The following UBTF variants were observed in gnomAD, a reference collection of about 807,000 sequenced individuals.
UBTF encodes the protein nucleolar transcription factor 1.
UBTF carries 8 observed loss-of-function variants against 112.3 expected under a neutral mutation model. The ratio of observed to expected loss-of-function variants is 0.07; its 90% CI spans 0.04 to 0.13. The LOEUF (loss-of-function observed/expected upper bound fraction) is 0.13, where lower values mean the gene tolerates loss of function less well. Among genes scored for constraint, UBTF ranks in the 10% least tolerant of loss-of-function variants. UBTF has a pLI of 1.00. For synonymous variants in UBTF, 417 were observed against 373.1 expected (o/e 1.12, Z -1.36); for missense variants, 457 against 982.1 (o/e 0.47, Z 7.15).
At chr17:44,210,979 GTGC>G in intron 12 of UBTF, 32 bp from the exon 13 acceptor site, 1 of 1,600,762 alleles carries the variant, frequency 6.2e-7, no homozygotes, top group Non-Finnish European at 8.5e-7. Flanking sequence ...GGGTCCGTGG[GTGC>G]TGCCAGGGAG....
chr17:44,218,603 A>AAAAAAAAAAAAAAG (rs1448322836), intron 1 of UBTF: 1 of 207,010 alleles, frequency 4.8e-6, no homozygotes, highest in Non-Finnish European at 9.4e-6. Context: ...CCAAAAAAAA[A>AAAAAAAAAAAAAAG]AAAAAAGAAA....
At position 44,207,124 on chromosome 17, in the gene UBTF, A is replaced by G; in HGVS notation, c.*118T>C. ...TATTTTTTTTTTTTTTTAAAGAAAG[A>G]AAGAAAGTGGGGGAGGCCAGGGGGG... On this transcript the variant is annotated 3_prime_UTR_variant, in exon 21 of 21. Transcript: ENST00000436088. 1 of 1,087,104 alleles carries G rather than the reference A, an allele frequency of 9.2e-7. No homozygotes were observed. Among genetic ancestry groups the G allele is most frequent in the East Asian group, 2.6e-5 (1 of 39,076 alleles). The allele number at this position is 1,087,104 out of a possible 1,614,324, so 67.3% of individuals were successfully genotyped here.
intron 7 of UBTF, 104 bp downstream of exon 7, chr17:44,212,715 G>T: frequency 1.3e-6 from 2 of 1,551,210 alleles, no homozygotes; most frequent in South Asian, 2.5e-5. Flanking sequence ...CTGGGGAGGG[G>T]CCTCCTCTCC....
Position 44,218,209 on chromosome 17 carries a change from G to A in UBTF, c.21C>T (p.Cys7=), listed in dbSNP as rs1346501421. 5 of 1,612,160 alleles carry A rather than the reference G, an allele frequency of 3.1e-6. No homozygotes were observed. The highest frequency in any genetic ancestry group is 4.2e-6 in the Non-Finnish European group (5 of 1,179,628). Residue 7 remains cysteine (C), a synonymous_variant, in exon 2 of 21, where the codon TGC becomes TGT. Coordinates refer to ENST00000436088, the MANE Select transcript of UBTF (RefSeq NM_014233.4). The part of the protein sequence containing the change: MNGEAD[C]PTDLEMAAPK... ...GGGCGGCCATTTCCAGGTCTGTGGG[G>A]CAGTCGGCTTCTCCGTTCATCCTCC...
chr17:44,211,723 T>G lies in UBTF; in HGVS notation c.930A>C (p.Ala310=). 6.2e-7 allele frequency: 1 copy of G among 1,608,238 alleles called. No individual in the cohort carries two copies. The highest frequency in any genetic ancestry group is 1.1e-5 in the South Asian group (1 of 91,074). Residue 310 remains alanine, a synonymous_variant, in exon 10 of 21, where the codon GCA becomes GCC. Transcript: ENST00000436088. The surrounding 1 kb of genome is among the most constrained non-coding windows in gnomAD (Gnocchi z 4.9). ...PPPNSYSLYC[A]ELMANMKDVP... ...CGTCCTTCATGTTGGCCATGAGCTC[T>G]GCGCAGTACAGCGAGTAGCTGTTCC...
chr17:44,219,980 G>A (rs1022748169), upstream of UBTF, among the ~76,000 whole-genome samples: 22 of 149,746 alleles, frequency 1.5e-4, no homozygotes, highest in Admixed American at 6.6e-4. Flanking sequence ...GAGCTGGGGG[G>A]ACCCGGGCGG....
chr17:44,212,407 C>T lies in UBTF; in HGVS notation c.708G>A (p.Gln236=). Residue 236 remains glutamine, a synonymous_variant, in exon 8 of 21, where the codon CAG becomes CAA. Transcript: ENST00000436088. The part of the protein sequence containing the change: ...VKDSLGKQWS[Q]LSDKKRLKWI... The stretch of plus-strand genomic sequence containing the variant: ...ATTTCAGCCTCTTTTTGTCCGAGAG[C>T]TGAGACCACTGCTTCCCCAGGGAGT... 2.5e-6 allele frequency: 4 copies of T among 1,612,602 alleles called. No homozygotes were observed. Among genetic ancestry groups the T allele is most frequent in the Non-Finnish European group, 3.4e-6 (4 of 1,179,528 alleles).
intron 8 of UBTF, 58 bp from the exon 9 acceptor site, chr17:44,212,064 G>A: frequency 6.3e-7 from 1 of 1,576,994 alleles, no homozygotes; most frequent in Non-Finnish European, 8.6e-7. Flanking sequence ...CTAGGGCAGG[G>A]GCAGGGGGAG....
In UBTF at chr17:44,216,718, A is replaced by G; in HGVS notation, c.59-14T>C. 1 of 1,613,788 alleles carries G rather than the reference A, an allele frequency of 6.2e-7. No individual in the cohort carries two copies. The highest frequency in any genetic ancestry group is 8.5e-7 in the Non-Finnish European group (1 of 1,179,796). On this transcript the variant is annotated splice_polypyrimidine_tract_variant and intron_variant, in intron 2 of 20. Transcript: ENST00000436088. The stretch of plus-strand genomic sequence containing the variant: ...GGGACCAACGGTCTGGTAAAGAGTA[A>G]CAGAGGCCATCATGCCTGGCTCATG...
chr17:44,213,174 G>A, intron 6 of UBTF, 44 bp downstream of exon 6: 1 of 1,600,106 alleles, frequency 6.2e-7, no homozygotes, highest in Non-Finnish European at 8.5e-7. Flanking sequence ...CTATTCTGCT[G>A]CCCCCAGTGC....
chr17:44,209,971 C>G (rs1023065057), intron 15 of UBTF, among the ~76,000 whole-genome samples, 153 bp downstream of exon 15: 1 of 152,190 alleles, frequency 6.6e-6, no homozygotes, highest in Non-Finnish European at 1.5e-5. Flanking sequence ...AATGTCACCC[C>G]CACCTTACTG....
rs2056217921 is a variant in UBTF at position 44,205,930 on chromosome 17, C to T, written c.*1312G>A. ...ATGCAGCTTTTGCAGACTTCTTGCC[C>T]AGCTGTGGGGTTGGGGGAGGAGGGA... On this transcript the variant is annotated 3_prime_UTR_variant, in exon 21 of 21. Coordinates refer to ENST00000436088, the MANE Select transcript of UBTF (RefSeq NM_014233.4). 1 of 152,048 alleles carries T rather than the reference C, an allele frequency of 6.6e-6. No individual in the cohort carries two copies. The highest frequency in any genetic ancestry group is 1.5e-5 in the Non-Finnish European group (1 of 68,016). 9.4% of individuals were successfully genotyped at this position (152,048 alleles called of 1,614,324 possible).
intron 6 of UBTF, 43 bp downstream of exon 6, chr17:44,213,174 GC>G: frequency 6.2e-7 from 1 of 1,600,098 alleles, no homozygotes; most frequent in Non-Finnish European, 8.5e-7. Context: ...CTATTCTGCT[GC>G]CCCCAGTGCC....
In UBTF at chr17:44,218,157, GGTGGAT is replaced by G; in HGVS notation, c.58+9_58+14del. ...AGGGTTTAAGTTTCAGAGGGCCGGGGGTGGATGCCCCTACCTTGGCCTTTGGGGGCG... is the reference window on the plus strand; with the variant it reads ...AGGGTTTAAGTTTCAGAGGGCCGGGGGCCCCTACCTTGGCCTTTGGGGGCG... On this transcript the variant is annotated intron_variant, in intron 2 of 20. Transcript: ENST00000436088. 1 of 1,611,842 alleles carries G rather than the reference GGTGGAT, an allele frequency of 6.2e-7. No homozygotes were observed. The highest frequency in any genetic ancestry group is 8.5e-7 in the Non-Finnish European group (1 of 1,178,806).
Position 44,208,092 on chromosome 17 carries a change from ATTTTTTTTT to A in UBTF, c.1906-190_1906-182del, listed in dbSNP as rs57107684. On this transcript the variant is annotated intron_variant, in intron 17 of 20. Coordinates refer to ENST00000436088, the MANE Select transcript of UBTF (RefSeq NM_014233.4). ...CCTGGGATCTGAGAACACAGCTCTA[ATTTTTTTTT>A]TTTTTTTTTTTTTTTTTTTGAAACA... Among the ~76,000 whole-genome samples, 124 of 118,000 alleles carry A rather than the reference ATTTTTTTTT, an allele frequency of 1.1e-3. 1 individual carries two copies. Among genetic ancestry groups the A allele is most frequent in the Middle Eastern group, 4.6e-3 (1 of 218 alleles). The allele number at this position is 118,000 out of a possible 152,430, so 77.4% of individuals were successfully genotyped here. A position where few individuals can be genotyped will look rare whatever the true frequency, so the allele number is the denominator to read the frequency against.
chr17:44,218,420 G>C, intron 1 of UBTF, 124 bp from the exon 2 acceptor site: 1 of 598,742 alleles, frequency 1.7e-6, no homozygotes, highest in East Asian at 3.0e-5. Flanking sequence ...GACCTTATTA[G>C]ACTTAAGGGG....
chr17:44,216,016 G>A (rs540551869), intron 3 of UBTF, 27 bp from the exon 4 acceptor site: 1 of 1,591,392 alleles, frequency 6.3e-7, no homozygotes, highest in South Asian at 1.1e-5. Flanking sequence ...GGGAGGAAGG[G>A]GAAGTTGGGA....
In UBTF at chr17:44,211,792, G is replaced by GGCA; in HGVS notation, c.906-48_906-46dup. ...AGAGGTGCAGCCCGTAAGCGAGCAG[G>GGCA]GCAGCAGGCCTTCTCACCTGCAGAG... On this transcript the variant is annotated intron_variant, in intron 9 of 20. Coordinates refer to ENST00000436088, the MANE Select transcript of UBTF (RefSeq NM_014233.4). This position sits in a 1 kb window ranked among gnomAD's most constrained non-coding sequence, Gnocchi z 4.9. 1 of 1,600,056 alleles carries GGCA rather than the reference G, an allele frequency of 6.2e-7. No homozygotes were observed. Among genetic ancestry groups the GGCA allele is most frequent in the Non-Finnish European group, 8.5e-7 (1 of 1,174,766 alleles).
Position 44,207,212 on chromosome 17 carries a change from T to A in UBTF, c.*30A>T. The A allele has an allele frequency of 6.2e-7, 1 of 1,612,650 alleles. No homozygotes were observed. On this transcript the variant is annotated 3_prime_UTR_variant, in exon 21 of 21. Coordinates refer to ENST00000436088, the MANE Select transcript of UBTF (RefSeq NM_014233.4). ...GTTGGGGAGGGGAGCTCCTGGGCTC[T>A]CCCTGGCTGCCCTGGGGTGGGGCTG... is the stretch of plus-strand genomic sequence containing the variant.
Sources: allele counts gnomAD v4.1 joint callset (sites outside exome capture counted in the v4.1 genomes callset), GRCh38; gene constraint gnomAD v4.1.1; non-coding constraint Gnocchi (gnomAD v3.1); transcripts MANE v1.5; gene names NCBI Gene and HGNC (gene_info 2026-07-23, HGNC 2026-07-21).